The following ANKRD28 variants were observed in gnomAD, a reference collection of about 807,000 sequenced individuals.
ANKRD28 encodes the protein ankyrin repeat domain 28.
A neutral mutation model predicts 126.5 loss-of-function variants in ANKRD28; 44 were observed. The ratio of observed to expected loss-of-function variants is 0.35; its 90% CI spans 0.27 to 0.45. The LOEUF is 0.45. ANKRD28 is among the 20% of genes least tolerant of loss of function. The pLI is 1.00. For missense variants in ANKRD28, 1,110 were observed against 1,316.6 expected (o/e 0.84, Z 2.43); for synonymous variants, 442 against 468.5 (o/e 0.94, Z 0.73).
intron 27 of ANKRD28, among the ~76,000 whole-genome samples, chr3:15,672,146 A>AT (rs869087310): frequency 0.098 from 13,332 of 136,534 alleles, 692 homozygotes; most frequent in Middle Eastern, 0.12. Flanking sequence ...TAAAAAAAGG[A>AT]TTTTTTTTTT....
intron 12 of ANKRD28, among the ~76,000 whole-genome samples, chr3:15,710,828 T>C (rs1163759149): frequency 6.6e-6 from 1 of 152,126 alleles, no homozygotes; most frequent in African/African-American, 2.4e-5. Flanking sequence ...GAACATTTTT[T>C]TCCTGGGGGA....
chr3:15,857,528 G>C (rs1028441798), intron 1 of ANKRD28, among the ~76,000 whole-genome samples: 1 of 152,246 alleles, frequency 6.6e-6, no homozygotes, highest in South Asian at 2.1e-4. Flanking sequence ...CAAGTGATCC[G>C]CCTGCCTCGG....
intron 6 of ANKRD28, among the ~76,000 whole-genome samples, chr3:15,731,195 G>A (rs988709556): frequency 3.3e-5 from 5 of 152,290 alleles, no homozygotes; most frequent in African/African-American, 7.2e-5. Flanking sequence ...GACACTTAGC[G>A]GGTGAGAAAC....
chr3:15,759,233 C>T (rs7617039), intron 3 of ANKRD28, among the ~76,000 whole-genome samples: 74,391 of 151,916 alleles, frequency 0.49, 20,207 homozygotes, highest in Non-Finnish European at 0.6. Flanking sequence ...GTCAAACTGC[C>T]TGGATCTGAA....
intron 9 of ANKRD28, 46 bp downstream of exon 9, chr3:15,714,532 G>GAAAAAAA (rs5846873): frequency 2.0e-5 from 22 of 1,085,066 alleles, no homozygotes; most frequent in Middle Eastern, 2.9e-4. Context: ...CTACATTTAA[G>GAAAAAAA]AAAAAAAAAA....
chr3:15,727,777 T>C (rs1250625025), intron 6 of ANKRD28, among the ~76,000 whole-genome samples: 1 of 152,082 alleles, frequency 6.6e-6, no homozygotes, highest in African/African-American at 2.4e-5. Flanking sequence ...TCTGAAGATG[T>C]GCCTGAATTG....
Position 15,797,932 on chromosome 3 carries a change from A to C in ANKRD28, c.-1411T>G, listed in dbSNP as rs2060350870. 1.0e-6 allele frequency: 1 copy of C among 985,308 alleles called. No individual in the cohort carries two copies. Among genetic ancestry groups the C allele is most frequent in the African/African-American group, 1.7e-5 (1 of 57,238 alleles). The allele number at this position is 985,308 out of a possible 1,614,324, so 61.0% of individuals were successfully genotyped here. A position where few individuals can be genotyped will look rare whatever the true frequency, so the allele number is the denominator to read the frequency against. On this transcript the variant is annotated 5_prime_UTR_variant, in exon 1 of 28. Coordinates refer to ENST00000683139, the MANE Select transcript of ANKRD28 (RefSeq NM_001349278.2). ...TGAAGAGCAAAGACTGCAGACCCAC[A>C]GGATGAAATGCCTAGTAATGCTCAC...
At chr3:15,740,407 C>A (rs1394533463) in intron 4 of ANKRD28, among the ~76,000 whole-genome samples, 1 of 152,122 alleles carries the variant, frequency 6.6e-6, no homozygotes, top group Non-Finnish European at 1.5e-5. Flanking sequence ...GGAAAGAATA[C>A]ATATATGAAT....
intron 1 of ANKRD28, among the ~76,000 whole-genome samples, chr3:15,819,977 A>C (rs1420435591): frequency 1.3e-5 from 2 of 152,254 alleles, no homozygotes; most frequent in African/African-American, 4.8e-5. Context: ...AGGCAAAAGC[A>C]AATGACCAAG....
chr3:15,741,512 C>A (rs1003290354), intron 4 of ANKRD28, among the ~76,000 whole-genome samples: 23 of 152,002 alleles, frequency 1.5e-4, no homozygotes, highest in African/African-American at 5.3e-4. Flanking sequence ...GTAAGAAATG[C>A]TGCTGGTGTG....
chr3:15,694,921 A>T, intron 16 of ANKRD28, 108 bp from the exon 17 acceptor site: 2 of 992,092 alleles, frequency 2.0e-6, no homozygotes, highest in South Asian at 2.9e-5. Context: ...GCAACTCAGC[A>T]AACTTATAAA....
Position 15,712,227 on chromosome 3 carries a change from A to C in ANKRD28, c.1191-5T>G. 1 of 1,570,082 alleles carries C rather than the reference A, an allele frequency of 6.4e-7. No individual in the cohort carries two copies. The highest frequency in any genetic ancestry group is 8.7e-7 in the Non-Finnish European group (1 of 1,156,066). ...AACATTCCATGTATGCCACGCCTAA[A>C]GTTAATAGAACAGGACAGTATCTTC... is the stretch of plus-strand genomic sequence containing the variant. On this transcript the variant is annotated splice_polypyrimidine_tract_variant and splice_region_variant and intron_variant, in intron 10 of 27. Coordinates refer to ENST00000683139, the MANE Select transcript of ANKRD28 (RefSeq NM_001349278.2).
At chr3:15,808,574 T>C (rs1037555482) in intron 1 of ANKRD28, among the ~76,000 whole-genome samples, 5 of 152,246 alleles carry the variant, frequency 3.3e-5, no homozygotes, top group Non-Finnish European at 7.3e-5. Flanking sequence ...TTCAAGACTT[T>C]GCAGTCTAAT....
upstream of ANKRD28, among the ~76,000 whole-genome samples, chr3:15,799,823 T>C (rs1225848447): frequency 6.6e-6 from 1 of 152,084 alleles, no homozygotes; most frequent in East Asian, 1.9e-4. Flanking sequence ...AGGTAGGGAC[T>C]GTGTTCATAC....
At chr3:15,776,755 A>G (rs770333810) in intron 2 of ANKRD28, among the ~76,000 whole-genome samples, 2 of 152,212 alleles carry the variant, frequency 1.3e-5, no homozygotes, top group African/African-American at 2.4e-5. Context: ...TAAGTTTATT[A>G]TATTTCCTAA....
In ANKRD28 at chr3:15,796,734, A is replaced by T. The variant is rs765780775; in HGVS notation, c.-213T>A. ...TTTGTAACTTCCTAAATATAACGAA[A>T]TTCTATTATTTCTGTTGGATTACTG... On this transcript the variant is annotated 5_prime_UTR_variant, in exon 1 of 28. Coordinates refer to ENST00000683139, the MANE Select transcript of ANKRD28 (RefSeq NM_001349278.2). 1.0e-6 allele frequency: 1 copy of T among 987,628 alleles called. No homozygotes were observed. Among genetic ancestry groups the T allele is most frequent in the Non-Finnish European group, 1.2e-6 (1 of 829,298 alleles). The allele number at this position is 987,628 out of a possible 1,614,324, so 61.2% of individuals were successfully genotyped here.
At position 15,710,465 on chromosome 3, in the gene ANKRD28, C is replaced by G. The variant is rs185568864; in HGVS notation, c.1338-729G>C. Reference sequence around the variant, plus strand: ...GGCGACCTTGGAAGAACAAGAAAACCAGTCACATGCTCACAATCCATCTCT... The same window carrying G: ...GGCGACCTTGGAAGAACAAGAAAACGAGTCACATGCTCACAATCCATCTCT... On this transcript the variant is annotated intron_variant, in intron 12 of 27. Transcript: ENST00000683139. Among the ~76,000 whole-genome samples the G allele has an allele frequency of 3.1e-3, 469 of 152,258 alleles. 3 individuals are homozygous for G. The highest frequency in any genetic ancestry group is 5.5e-3 in the Non-Finnish European group (373 of 68,014).
intron 2 of ANKRD28, among the ~76,000 whole-genome samples, chr3:15,771,548 G>A (rs142588709): frequency 1.3e-4 from 20 of 152,208 alleles, no homozygotes; most frequent in Admixed American, 4.6e-4. Flanking sequence ...AAGAGGGGGT[G>A]CCAAGCTCTT....
At chr3:15,718,733 A>C (rs535240315) in intron 8 of ANKRD28, among the ~76,000 whole-genome samples, 5 of 152,332 alleles carry the variant, frequency 3.3e-5, no homozygotes, top group African/African-American at 1.2e-4. Flanking sequence ...TAATTTCCAT[A>C]ATACTAACAC....
Sources: gnomAD v4.1 joint callset for allele counts (sites outside exome capture counted in the v4.1 genomes callset) on GRCh38, gnomAD v4.1.1 for gene constraint, MANE v1.5 for transcripts, NCBI Gene and HGNC (gene_info 2026-07-23, HGNC 2026-07-21) for gene names.